The following SLC9A8 variants were observed in gnomAD, a reference collection of about 807,000 sequenced individuals.
SLC9A8 encodes the protein sodium/hydrogen exchanger 8.
SLC9A8 carries 48 observed loss-of-function variants against 66.6 expected under a neutral mutation model. The ratio of observed to expected loss-of-function variants is 0.72; its 90% CI spans 0.57 to 0.92. The LOEUF (loss-of-function observed/expected upper bound fraction) is 0.92, where lower values mean the gene tolerates loss of function less well. SLC9A8 is among the 40% of genes least tolerant of loss of function. SLC9A8 has a pLI of 0.00. For missense variants in SLC9A8, 599 were observed against 747.3 expected (o/e 0.80, Z 2.31); for synonymous variants, 274 against 282.6 (o/e 0.97, Z 0.31).
At chr20:49,837,683 C>CAGGA (rs2087593042) in intron 3 of SLC9A8, among the ~76,000 whole-genome samples, 1 of 152,094 alleles carries the variant, frequency 6.6e-6, no homozygotes, top group Non-Finnish European at 1.5e-5. Flanking sequence ...GATTCTCCTG[C>CAGGA]CTCAGCCTCC....
At chr20:49,860,883 C>T (rs80146212) in intron 8 of SLC9A8, among the ~76,000 whole-genome samples, 1 of 152,232 alleles carries the variant, frequency 6.6e-6, no homozygotes, top group East Asian at 1.9e-4. Flanking sequence ...CATAAGGCAG[C>T]GAACAAGATG....
chr20:49,833,707 C>T (rs1399660514), intron 3 of SLC9A8, among the ~76,000 whole-genome samples: 1 of 152,154 alleles, frequency 6.6e-6, no homozygotes, highest in Non-Finnish European at 1.5e-5. Context: ...CTCAGAAAAG[C>T]TTCTTAAACT....
chr20:49,845,366 C>T (rs182121484), intron 5 of SLC9A8, among the ~76,000 whole-genome samples: 167 of 152,344 alleles, frequency 1.1e-3, no homozygotes, highest in Middle Eastern at 6.8e-3. Flanking sequence ...TAAATGGGTG[C>T]TTTGCCCAGG....
In SLC9A8 at chr20:49,881,006, C is replaced by A. The variant is rs769415134; in HGVS notation, c.1241C>A (p.Pro414Gln). 4.3e-6 allele frequency: 7 copies of A among 1,613,026 alleles called. No individual in the cohort carries two copies. Among genetic ancestry groups the A allele is most frequent in the Non-Finnish European group, 5.9e-6 (7 of 1,179,152 alleles). The change falls in exon 13 of 16, where the codon CCG (proline) becomes CAG (glutamine). Residue 414 changes from proline (P) to glutamine (Q), a missense_variant. Coordinates refer to ENST00000361573, the MANE Select transcript of SLC9A8 (RefSeq NM_015266.3). Reference sequence around the variant, plus strand: ...TTCTTCCGGGATCATAAAATCACACCGAAGATGATGTTCATCATGTGGTTT... The same window carrying A: ...TTCTTCCGGGATCATAAAATCACACAGAAGATGATGTTCATCATGTGGTTT... The part of the protein sequence containing the change: ...LNFFRDHKIT[P>Q]KMMFIMWFSG...
chr20:49,855,513 C>T lies in SLC9A8; in HGVS notation c.645C>T (p.Asp215=), dbSNP rs2088436923. The T allele has an allele frequency of 1.2e-6, 2 of 1,613,970 alleles. No homozygotes were observed. Among genetic ancestry groups the T allele is most frequent in the Non-Finnish European group, 1.7e-6 (2 of 1,179,920 alleles). ...CCATTTTCAATGCACTTCATGTGGACCCCGTGCTCAACATGCTGGTCTTTG... is the reference window on the plus strand; with the variant it reads ...CCATTTTCAATGCACTTCATGTGGATCCCGTGCTCAACATGCTGGTCTTTG... ...TIAIFNALHV[D]PVLNMLVFGE... Residue 215 remains aspartate (D), a synonymous_variant, in exon 8 of 16, where the codon GAC becomes GAT. Transcript: ENST00000361573.
intron 15 of SLC9A8, 142 bp from the exon 16 acceptor site, chr20:49,887,687 C>A: frequency 4.9e-6 from 3 of 611,414 alleles, no homozygotes; most frequent in Non-Finnish European, 8.9e-6. Context: ...GTTTGTTCAA[C>A]TGAAACTGAA....
At chr20:49,857,759 C>T (rs986791695) in intron 8 of SLC9A8, among the ~76,000 whole-genome samples, 1 of 152,116 alleles carries the variant, frequency 6.6e-6, no homozygotes, top group Non-Finnish European at 1.5e-5. Flanking sequence ...AGAAAAGCAT[C>T]CAGCATTGGG....
rs1157249666 is a variant in SLC9A8 at position 49,823,113 on chromosome 20, G to A, written c.261G>A (p.Leu87=). 2 of 1,611,850 alleles carry A rather than the reference G, an allele frequency of 1.2e-6. No homozygotes were observed. The highest frequency in any genetic ancestry group is 1.1e-5 in the South Asian group (1 of 90,600). Residue 87 remains leucine, a synonymous_variant, in exon 3 of 16, where the codon TTG becomes TTA. Coordinates refer to ENST00000361573, the MANE Select transcript of SLC9A8 (RefSeq NM_015266.3). ...TGATCCGATACAGATTACATTTCTTGCCAGAGAGTGTTGCTGTTGTTTCTT... is the reference window on the plus strand; with the variant it reads ...TGATCCGATACAGATTACATTTCTTACCAGAGAGTGTTGCTGTTGTTTCTT... ...HLLIRYRLHF[L]PESVAVVSLG...
intron 2 of SLC9A8, among the ~76,000 whole-genome samples, chr20:49,818,611 C>G (rs577947277): frequency 6.6e-6 from 1 of 151,966 alleles, no homozygotes; most frequent in Admixed American, 6.6e-5. Flanking sequence ...CTGCCTCAGC[C>G]TCCCAAGTAG....
At chr20:49,839,864 CCTA>C (rs1179995378) in intron 4 of SLC9A8, among the ~76,000 whole-genome samples, 1 of 151,962 alleles carries the variant, frequency 6.6e-6, no homozygotes, top group East Asian at 1.9e-4. Flanking sequence ...CCTAGACTAA[CCTA>C]CTTTTTTAGG....
chr20:49,813,601 C>T (rs531568034), intron 1 of SLC9A8, among the ~76,000 whole-genome samples: 4 of 152,188 alleles, frequency 2.6e-5, no homozygotes, highest in Non-Finnish European at 4.4e-5. Context: ...TGCTCAAGGT[C>T]ATCGCCAAGG....
At chr20:49,887,655 C>A (rs758951707) in intron 15 of SLC9A8, among the ~76,000 whole-genome samples, 174 bp from the exon 16 acceptor site, 9 of 152,316 alleles carry the variant, frequency 5.9e-5, no homozygotes, top group African/African-American at 1.2e-4. Flanking sequence ...CCTCCACCCC[C>A]ACAAAGAACA....
intron 10 of SLC9A8, among the ~76,000 whole-genome samples, chr20:49,865,809 G>C (rs552513455): frequency 5.5e-4 from 84 of 152,320 alleles, no homozygotes; most frequent in African/African-American, 1.9e-3. Flanking sequence ...CTGTGTGAGG[G>C]GGCAGCCAGT....
rs778307070 is a variant in SLC9A8, at chr20:49,883,867, A to G, written c.1292A>G (p.Tyr431Cys). 2 of 1,607,716 alleles carry G rather than the reference A, an allele frequency of 1.2e-6. No homozygotes were observed. The highest frequency in any genetic ancestry group is 2.2e-5 in the East Asian group (1 of 44,872). The change falls in exon 14 of 16, where the codon TAT becomes TGT. Residue 431 changes from tyrosine (Y) to cysteine (C), a missense_variant. Tyr to Cys is a radical substitution (Grantham distance 194). Transcript: ENST00000361573. The stretch of plus-strand genomic sequence containing the variant: ...CCAGGCCTGCGGGGAGCCATCCCCT[A>G]TGCCCTGAGCCTACACCTGGACCTG... ...WFSGLRGAIPYALSLHLDLEP... is the reference protein window; with the variant it reads ...WFSGLRGAIPCALSLHLDLEP...
At chr20:49,868,352 C>T (rs939139070) in intron 10 of SLC9A8, among the ~76,000 whole-genome samples, 3 of 152,156 alleles carry the variant, frequency 2.0e-5, no homozygotes, top group Non-Finnish European at 4.4e-5. Context: ...CTGCTCTGTC[C>T]GCACTTTGCC....
intron 3 of SLC9A8, among the ~76,000 whole-genome samples, chr20:49,838,057 TACAC>T (rs750545777): frequency 4.1e-5 from 6 of 145,750 alleles, no homozygotes; most frequent in African/African-American, 7.6e-5. Context: ...TGCATACACT[TACAC>T]ACACACACAC....
At chr20:49,862,664 C>T (rs1336088948) in intron 8 of SLC9A8, among the ~76,000 whole-genome samples, 2 of 152,176 alleles carry the variant, frequency 1.3e-5, no homozygotes, top group East Asian at 1.9e-4. Context: ...CGCGGATTGT[C>T]ATTAGTGTTC....
intron 7 of SLC9A8, 135 bp from the exon 8 acceptor site, chr20:49,855,303 G>T (rs2088428421): frequency 3.3e-6 from 3 of 901,972 alleles, no homozygotes; most frequent in Non-Finnish European, 3.4e-6. Flanking sequence ...GAAAAAATAC[G>T]CTACCTTCTG....
rs140016053 is a variant in SLC9A8 at position 49,828,919 on chromosome 20, ATG to A, written c.289+5792_289+5793del. On this transcript the variant is annotated intron_variant, in intron 3 of 15. Coordinates refer to ENST00000361573, the MANE Select transcript of SLC9A8 (RefSeq NM_015266.3). ...GCACAGTGCATGGCACACAGTATAG[ATG>A]TGTGTGTGTGTGTATGTATGCATTT... Among the ~76,000 whole-genome samples the A allele has an allele frequency of 4.0e-5, 6 of 150,634 alleles. No homozygotes were observed. In the East Asian group the frequency reaches 5.8e-4, roughly 15 times the overall value.
Sources: allele counts gnomAD v4.1 joint callset (sites outside exome capture counted in the v4.1 genomes callset), GRCh38; gene constraint gnomAD v4.1.1; transcripts MANE v1.5; gene names NCBI Gene and HGNC (gene_info 2026-07-23, HGNC 2026-07-21).